The following ADAM10 variants were observed in gnomAD, a reference collection of about 807,000 sequenced individuals.
ADAM10 encodes the protein ADAM metallopeptidase domain 10, also known as disintegrin and metalloproteinase domain-containing protein 10.
A neutral mutation model predicts 90.1 loss-of-function variants in ADAM10; 17 were observed. The observed-to-expected ratio is 0.19, with a 90% CI of 0.13 to 0.28. The LOEUF is 0.28. Among genes scored for constraint, ADAM10 ranks in the 10% least tolerant of loss-of-function variants. The pLI, the probability that ADAM10 is intolerant of heterozygous loss-of-function variation, is 1.00. For missense variants in ADAM10, 610 were observed against 914.3 expected (o/e 0.67, Z 4.29); for synonymous variants, 310 against 298.6 (o/e 1.04, Z -0.40).
intron 4 of ADAM10, among the ~76,000 whole-genome samples, chr15:58,666,381 T>G (rs1897083526): frequency 6.6e-6 from 1 of 151,618 alleles, no homozygotes; most frequent in African/African-American, 2.4e-5. Flanking sequence ...AACTAGTAAT[T>G]CCAGTCTCAT....
chr15:58,693,261 G>A lies in ADAM10; in HGVS notation c.207-10947C>T, dbSNP rs983660473. On this transcript the variant is annotated intron_variant, in intron 2 of 15. Transcript: ENST00000260408. ...TGGGCTGAGTGTCCAAAATGCACAC[G>A]GCACCAAGGCTGCACAGGGGTGACT... 4.1e-5 allele frequency: 23 copies of A among 554,990 alleles called. No individual in the cohort carries two copies. In the East Asian group the frequency reaches 6.1e-4, roughly 15 times the overall value. 34.4% of individuals were successfully genotyped at this position (554,990 alleles called of 1,614,324 possible). A position where few individuals can be genotyped will look rare whatever the true frequency, so the allele number is the denominator to read the frequency against.
chr15:58,602,964 C>T (rs1432819480), intron 14 of ADAM10, among the ~76,000 whole-genome samples: 2 of 152,206 alleles, frequency 1.3e-5, no homozygotes, highest in East Asian at 3.8e-4. Flanking sequence ...TTTTTAAATG[C>T]TGGCAAACTT....
At chr15:58,624,129 C>CA (rs1218115914) in intron 10 of ADAM10, among the ~76,000 whole-genome samples, 10 of 151,698 alleles carry the variant, frequency 6.6e-5, no homozygotes, top group Non-Finnish European at 1.2e-4. Flanking sequence ...CCTAAAAATA[C>CA]AAAAAAACCA....
chr15:58,675,341 A>T (rs1029261337), intron 4 of ADAM10, among the ~76,000 whole-genome samples: 4 of 152,240 alleles, frequency 2.6e-5, no homozygotes, highest in African/African-American at 4.8e-5. Flanking sequence ...GTATTTCTCT[A>T]TAAGTATAGA....
At chr15:58,706,601 G>C (rs1348529981) in intron 2 of ADAM10, among the ~76,000 whole-genome samples, 1 of 152,266 alleles carries the variant, frequency 6.6e-6, no homozygotes, top group South Asian at 2.1e-4. Context: ...AGGAAAAGGA[G>C]AGGAGGAGGG....
chr15:58,660,059 A>G (rs1226202710), intron 5 of ADAM10, among the ~76,000 whole-genome samples: 1 of 152,212 alleles, frequency 6.6e-6, no homozygotes, highest in Non-Finnish European at 1.5e-5. Flanking sequence ...GGACTTTAAG[A>G]CTGTCTTTAA....
intron 5 of ADAM10, among the ~76,000 whole-genome samples, chr15:58,652,639 C>T (rs1214398768): frequency 2.0e-5 from 3 of 152,128 alleles, no homozygotes; most frequent in Non-Finnish European, 1.5e-5. Flanking sequence ...GTTACTATAG[C>T]GCTACAGTAT....
chr15:58,686,442 A>T, intron 2 of ADAM10: 1 of 1,374,820 alleles, frequency 7.3e-7, no homozygotes, highest in Non-Finnish European at 1.0e-6. Flanking sequence ...AGCGCCCTGC[A>T]GTGCCTGGTG....
chr15:58,627,742 T>C lies in ADAM10; in HGVS notation c.1318A>G (p.Ile440Val), dbSNP rs1895988992. The change falls in exon 10 of 16, where the codon ATA (isoleucine) becomes GTA (valine). Residue 440 changes from isoleucine (I) to valine (V), a missense_variant. By Grantham distance (29) the Ile-to-Val change is conservative (BLOSUM62 3). Coordinates refer to ENST00000260408, the MANE Select transcript of ADAM10 (RefSeq NM_001110.4). ...NKFSLCSIRN[I>V]SQVLEKKRNN... ...CTCTTCTTCTCAAGAACTTGGCTTA[T>C]ATTTCTAATACTACAGAGTGAGAAT... 1 of 1,613,554 alleles carries C rather than the reference T, an allele frequency of 6.2e-7. No individual in the cohort carries two copies. Among genetic ancestry groups the C allele is most frequent in the Non-Finnish European group, 8.5e-7 (1 of 1,179,606 alleles).
At chr15:58,685,692 T>C (rs964389400) in intron 2 of ADAM10, among the ~76,000 whole-genome samples, 2 of 151,004 alleles carry the variant, frequency 1.3e-5, no homozygotes, top group African/African-American at 4.9e-5. Flanking sequence ...CTAGTAACAA[T>C]GGTTGTCCCC....
intron 8 of ADAM10, among the ~76,000 whole-genome samples, chr15:58,633,832 T>A (rs556767130): frequency 6.7e-6 from 1 of 149,146 alleles, no homozygotes; most frequent in South Asian, 2.1e-4. Context: ...CATGAGCACA[T>A]GATTCCCTGT....
intron 2 of ADAM10, chr15:58,692,312 C>A: frequency 1.6e-6 from 1 of 608,156 alleles, no homozygotes; most frequent in South Asian, 1.4e-5. Context: ...CCACACTCTT[C>A]CTGGGTGATG....
At chr15:58,735,796 G>A (rs1327811786) in intron 1 of ADAM10, among the ~76,000 whole-genome samples, 1 of 152,070 alleles carries the variant, frequency 6.6e-6, no homozygotes, top group African/African-American at 2.4e-5. Context: ...ACAGAAGTGC[G>A]TTATGAATCT....
chr15:58,627,954 A>C, intron 9 of ADAM10, 71 bp from the exon 10 acceptor site: 12 of 1,443,834 alleles, frequency 8.3e-6, no homozygotes, highest in Non-Finnish European at 1.2e-5. Flanking sequence ...GATTAAACGT[A>C]ATGTTCTCAT....
At chr15:58,723,919 A>T (rs74962166) in intron 1 of ADAM10, among the ~76,000 whole-genome samples, 1 of 152,306 alleles carries the variant, frequency 6.6e-6, no homozygotes, top group East Asian at 1.9e-4. Context: ...AAGCAGAATC[A>T]GTCTTAGATT....
chr15:58,681,642 T>TA (rs1478195736), intron 3 of ADAM10, among the ~76,000 whole-genome samples: 16 of 152,228 alleles, frequency 1.1e-4, no homozygotes, highest in Admixed American at 7.9e-4. Flanking sequence ...TCAACACTAC[T>TA]AGTAGATGTA....
intron 2 of ADAM10, chr15:58,692,469 TTCTTTATCA>T: frequency 1.9e-6 from 1 of 524,748 alleles, no homozygotes; most frequent in Non-Finnish European, 3.9e-6. Context: ...TCTTGGGCTT[TTCTTTATCA>T]TCTTTATCTT....
chr15:58,703,607 A>G (rs1898192085), intron 2 of ADAM10, among the ~76,000 whole-genome samples: 3 of 152,346 alleles, frequency 2.0e-5, no homozygotes, highest in Admixed American at 2.0e-4. Flanking sequence ...AGTCAGTGAA[A>G]TAACTCAGAC....
intron 4 of ADAM10, among the ~76,000 whole-genome samples, chr15:58,665,950 A>G (rs1034335912): frequency 4.0e-5 from 6 of 151,728 alleles, no homozygotes; most frequent in Admixed American, 1.3e-4. Flanking sequence ...CTTTTCTCCA[A>G]TGATTTTTTC....
Sources: gnomAD v4.1 joint callset for allele counts (sites outside exome capture counted in the v4.1 genomes callset) on GRCh38, gnomAD v4.1.1 for gene constraint, MANE v1.5 for transcripts, NCBI Gene and HGNC (gene_info 2026-07-23, HGNC 2026-07-21) for gene names.